Variants in PTPRN2 observed in about 807,000 individuals in gnomAD.
The protein encoded by PTPRN2 is protein tyrosine phosphatase receptor type N2, also known as receptor-type tyrosine-protein phosphatase N2.
PTPRN2 carries 74 observed loss-of-function variants against 118.8 expected under a neutral mutation model. That is an observed-to-expected ratio of 0.62 (90% CI 0.52 to 0.76). The LOEUF is 0.76. PTPRN2 is among the 30% of genes least tolerant of loss of function. The pLI is 0.00. For missense variants in PTPRN2, 1,481 were observed against 1,394.4 expected (o/e 1.06, Z -0.99); for synonymous variants, 641 against 608.0 (o/e 1.05, Z -0.80).
intron 12 of PTPRN2, among the ~76,000 whole-genome samples, chr7:157,834,558 A>G (rs1218856679): frequency 6.6e-6 from 1 of 152,220 alleles, no homozygotes; most frequent in Non-Finnish European, 1.5e-5. Context: ...CAATCCATCA[A>G]TTGATCAGTC....
rs746207434 is a variant in PTPRN2 at position 158,137,980 on chromosome 7, A to G, written c.1132+314T>C. Among the ~76,000 whole-genome samples the G allele has an allele frequency of 2.7e-4, 41 of 152,080 alleles. 1 individual carries two copies. The highest frequency in any genetic ancestry group is 4.9e-4 in the Non-Finnish European group (33 of 68,016). On this transcript the variant is annotated intron_variant, in intron 7 of 22. Coordinates refer to ENST00000389418, the MANE Select transcript of PTPRN2 (RefSeq NM_002847.5). Reference sequence around the variant, plus strand: ...CACTCTGCTATTCAAATATTTGACAATATTCACCGGTACACAGTCCAAACA... The same window carrying G: ...CACTCTGCTATTCAAATATTTGACAGTATTCACCGGTACACAGTCCAAACA...
chr7:158,238,945 T>C (rs768761826), intron 3 of PTPRN2, among the ~76,000 whole-genome samples: 11 of 152,186 alleles, frequency 7.2e-5, no homozygotes, highest in Non-Finnish European at 1.6e-4. Flanking sequence ...GGCTGGCCTA[T>C]GCTAAGCCAC....
At chr7:158,431,527 C>G (rs899681808) in intron 2 of PTPRN2, among the ~76,000 whole-genome samples, 1 of 142,124 alleles carries the variant, frequency 7.0e-6, no homozygotes, top group African/African-American at 2.7e-5. Context: ...AGCAGGCACA[C>G]TGGCTCACAT....
At chr7:157,568,170 G>C (rs1425770635) in intron 21 of PTPRN2, among the ~76,000 whole-genome samples, 1 of 152,174 alleles carries the variant, frequency 6.6e-6, no homozygotes, top group Non-Finnish European at 1.5e-5. Flanking sequence ...CCAGACCCGC[G>C]CACAGATCTG....
Position 157,674,507 on chromosome 7 carries a change from A to T in PTPRN2, c.2001+8218T>A, listed in dbSNP as rs565660824. Among the ~76,000 whole-genome samples the T allele has an allele frequency of 6.6e-4, 101 of 152,244 alleles. 1 individual carries two copies. In the South Asian group the frequency reaches 0.012, roughly 18 times the overall value. ...GTGGCGGCTCCAGCCATCATTCCTCATCCCACCACCCCGCGCAGCGTCTTG... is the reference window on the plus strand; with the variant it reads ...GTGGCGGCTCCAGCCATCATTCCTCTTCCCACCACCCCGCGCAGCGTCTTG... On this transcript the variant is annotated intron_variant, in intron 13 of 22. Transcript: ENST00000389418. This position sits in a 1 kb window ranked among gnomAD's most constrained non-coding sequence, Gnocchi z 4.5.
intron 2 of PTPRN2, among the ~76,000 whole-genome samples, chr7:158,407,878 A>C (rs1395673394): frequency 6.6e-6 from 1 of 152,242 alleles, no homozygotes; most frequent in Non-Finnish European, 1.5e-5. Flanking sequence ...GTTTGGAAAC[A>C]GCAAAAGCAA....
At position 157,993,787 on chromosome 7, in the gene PTPRN2, C is replaced by T. The variant is rs570424596; in HGVS notation, c.1723+87511G>A. ...TGATTTGAGATGAGTGTTGACCCTACGGGGGTTGAAGGCCTCTCTGGAGAG... is the reference window on the plus strand; with the variant it reads ...TGATTTGAGATGAGTGTTGACCCTATGGGGGTTGAAGGCCTCTCTGGAGAG... On this transcript the variant is annotated intron_variant, in intron 11 of 22. Coordinates refer to ENST00000389418, the MANE Select transcript of PTPRN2 (RefSeq NM_002847.5). Among the ~76,000 whole-genome samples the T allele has an allele frequency of 7.4e-4, 113 of 152,224 alleles. 1 individual carries two copies. The highest frequency in any genetic ancestry group is 3.4e-3 in the Middle Eastern group (1 of 294).
At chr7:157,846,751 C>A (rs796763086) in intron 12 of PTPRN2, among the ~76,000 whole-genome samples, 2 of 130,732 alleles carry the variant, frequency 1.5e-5, no homozygotes, top group East Asian at 2.5e-4. Context: ...CTCCATCATG[C>A]GTGCCCGATG....
At chr7:158,533,913 C>T (rs1365367370) in intron 1 of PTPRN2, among the ~76,000 whole-genome samples, 1 of 152,224 alleles carries the variant, frequency 6.6e-6, no homozygotes, top group East Asian at 1.9e-4. Context: ...GCTGCTCTCT[C>T]CCCAGCCACC....
intron 1 of PTPRN2, among the ~76,000 whole-genome samples, chr7:158,533,076 A>AT: frequency 6.6e-6 from 1 of 152,356 alleles, no homozygotes; most frequent in East Asian, 1.9e-4. Context: ...GAGACCAGCA[A>AT]TTAATAACTC....
intron 11 of PTPRN2, among the ~76,000 whole-genome samples, chr7:158,070,576 C>T (rs1257034076): frequency 1.4e-4 from 10 of 69,548 alleles, no homozygotes; most frequent in Admixed American, 1.8e-4. Flanking sequence ...TGGAGGTGCC[C>T]GTGGTGGTGG....
chr7:157,764,634 G>T lies in PTPRN2; in HGVS notation c.1789-81697C>A, dbSNP rs1802338077. The stretch of plus-strand genomic sequence containing the variant: ...TGGAAAGATGGAAAGAGTTTTAGAA[G>T]CAGATAGTGATGATGGTTGCACAGT... On this transcript the variant is annotated intron_variant, in intron 12 of 22. Coordinates refer to ENST00000389418, the MANE Select transcript of PTPRN2 (RefSeq NM_002847.5). This position sits in a 1 kb window ranked among gnomAD's most constrained non-coding sequence, Gnocchi z 4.5. 6.6e-6 allele frequency among the ~76,000 whole-genome samples: 1 copy of T among 152,132 alleles called. No individual in the cohort carries two copies. Among genetic ancestry groups the T allele is most frequent in the South Asian group, 2.1e-4 (1 of 4,822 alleles).
chr7:158,585,524 GA>G (rs757612889), intron 1 of PTPRN2, among the ~76,000 whole-genome samples: 1 of 152,200 alleles, frequency 6.6e-6, no homozygotes, highest in African/African-American at 2.4e-5. Context: ...GATCAGAGCC[GA>G]GGGAAACATG....
intron 2 of PTPRN2, among the ~76,000 whole-genome samples, chr7:158,337,741 ACT>A (rs1805962658): frequency 4.2e-5 from 6 of 143,706 alleles, no homozygotes; most frequent in South Asian, 2.3e-4. Context: ...TCACAACCAC[ACT>A]CTCACCATAA....
intron 12 of PTPRN2, among the ~76,000 whole-genome samples, chr7:157,707,943 T>C (rs1798416757): frequency 6.6e-6 from 1 of 152,276 alleles, no homozygotes. Context: ...AGAGTTAACA[T>C]TTCTAGTTTT....
intron 5 of PTPRN2, among the ~76,000 whole-genome samples, chr7:158,171,201 T>C (rs976236829): frequency 9.5e-6 from 1 of 105,124 alleles, no homozygotes; most frequent in Admixed American, 1.0e-4. Context: ...TACATATATA[T>C]ACACTATATA....
At chr7:158,155,532 GCAC>G (rs1821657039) in intron 6 of PTPRN2, among the ~76,000 whole-genome samples, 2 of 5,328 alleles carry the variant, frequency 3.8e-4, no homozygotes, top group African/African-American at 1.1e-3. Context: ...ATCACCATCA[GCAC>G]TATCATCACC....
At chr7:158,333,902 G>T (rs878966081) in intron 2 of PTPRN2, among the ~76,000 whole-genome samples, 4 of 133,018 alleles carry the variant, frequency 3.0e-5, no homozygotes, top group African/African-American at 1.2e-4. Context: ...GCTGACACCC[G>T]CAGACGTCAC....
intron 2 of PTPRN2, among the ~76,000 whole-genome samples, chr7:158,485,334 C>T (rs553623217): frequency 1.3e-5 from 2 of 151,732 alleles, no homozygotes; most frequent in African/African-American, 2.4e-5. Context: ...CTTAGAAGCT[C>T]GGCCACCCCT....
Sources: gnomAD v4.1 joint callset for allele counts (sites outside exome capture counted in the v4.1 genomes callset) on GRCh38, gnomAD v4.1.1 for gene constraint, Gnocchi (gnomAD v3.1) non-coding constraint, MANE v1.5 for transcripts, NCBI Gene and HGNC (gene_info 2026-07-23, HGNC 2026-07-21) for gene names.